The following PLBD1 variants were observed in gnomAD, a reference collection of about 807,000 sequenced individuals.
The protein encoded by PLBD1 is lysosomal leucine aminopeptidase.
A neutral mutation model predicts 63.0 loss-of-function variants in PLBD1; 60 were observed. The ratio of observed to expected loss-of-function variants is 0.95; its 90% CI spans 0.77 to 1.18. The LOEUF is 1.18. Among genes scored for constraint, PLBD1 ranks in the 50% most tolerant of loss-of-function variants. The pLI, the probability that PLBD1 is intolerant of heterozygous loss-of-function variation, is 0.00. For missense variants in PLBD1, 598 were observed against 677.9 expected (o/e 0.88, Z 1.31); for synonymous variants, 262 against 248.0 (o/e 1.06, Z -0.53).
intron 2 of PLBD1, among the ~76,000 whole-genome samples, chr12:14,550,456 T>A (rs1945647652): frequency 6.6e-6 from 1 of 152,252 alleles, no homozygotes; most frequent in Non-Finnish European, 1.5e-5. Flanking sequence ...GTGTCAACTT[T>A]TTTTTGAAAG....
chr12:14,567,735 GCCGC>G lies in PLBD1; in HGVS notation c.-43_-40del, dbSNP rs780735958. ...CGACCTTCCTCTGCGGGATCAGGCG[GCCGC>G]GGTGGCCCGCGGTGGCAGAAGTTGC... is the stretch of plus-strand genomic sequence containing the variant. On this transcript the variant is annotated 5_prime_UTR_variant, in exon 1 of 11. Coordinates refer to ENST00000240617, the MANE Select transcript of PLBD1 (RefSeq NM_024829.6). The G allele has an allele frequency of 2.2e-6, 3 of 1,386,870 alleles. No individual in the cohort carries two copies. In the South Asian group the frequency reaches 4.9e-5, roughly 23 times the overall value. 85.9% of individuals were successfully genotyped at this position (1,386,870 alleles called of 1,614,324 possible).
At position 14,540,053 on chromosome 12, in the gene PLBD1, T is replaced by TATATACACACAC. The variant is rs1555147116; in HGVS notation, c.558+710_558+711insGTGTGTGTATAT. ...ATATATATATATATATATATATATA[T>TATATACACACAC]ACACACACACACTGGTCAAAATAGG... On this transcript the variant is annotated intron_variant, in intron 4 of 10. Coordinates refer to ENST00000240617, the MANE Select transcript of PLBD1 (RefSeq NM_024829.6). 2.7e-3 allele frequency among the ~76,000 whole-genome samples: 232 copies of TATATACACACAC among 87,082 alleles called. 2 individuals are homozygous for TATATACACACAC. Among genetic ancestry groups the TATATACACACAC allele is most frequent in the Non-Finnish European group, 3.8e-3 (175 of 46,430 alleles). The allele number at this position is 87,082 out of a possible 152,430, so 57.1% of individuals were successfully genotyped here.
At chr12:14,551,008 A>G (rs969915185) in intron 2 of PLBD1, among the ~76,000 whole-genome samples, 1 of 152,034 alleles carries the variant, frequency 6.6e-6, no homozygotes, top group Non-Finnish European at 1.5e-5. Context: ...GTGCCACTGC[A>G]CTCCAGCCTG....
chr12:14,536,213 C>T lies in PLBD1; in HGVS notation c.699+357G>A, dbSNP rs139225610. ...ACTCGGGAAGCTGAGGCAGGAGAAT[C>T]GCTTGAACCTGGGAGGCAGAGGTTG... On this transcript the variant is annotated intron_variant, in intron 5 of 10. Transcript: ENST00000240617. The T allele has an allele frequency of 1.0e-4, 24 of 235,032 alleles. No homozygotes were observed. The South Asian group carries it at 1.3e-3, about 13-fold the overall frequency. 14.6% of individuals were successfully genotyped at this position (235,032 alleles called of 1,614,324 possible).
intron 10 of PLBD1, 43 bp from the exon 11 acceptor site, chr12:14,503,997 C>G (rs74622439): frequency 0.019 from 28,624 of 1,546,178 alleles, 379 homozygotes; most frequent in African/African-American, 0.051. Context: ...AATCATCGTT[C>G]AGCAAAAAAT....
At chr12:14,521,622 C>T (rs1014141700) in intron 6 of PLBD1, among the ~76,000 whole-genome samples, 9 of 152,130 alleles carry the variant, frequency 5.9e-5, no homozygotes, top group African/African-American at 1.4e-4. Context: ...CCTCCACAAC[C>T]GACACCTTAG....
Position 14,540,106 on chromosome 12 carries a change from T to TTTTATATATAAATATA in PLBD1, c.558+657_558+658insTATATTTATATATAAA, listed in dbSNP as rs71448876. On this transcript the variant is annotated intron_variant, in intron 4 of 10. Coordinates refer to ENST00000240617, the MANE Select transcript of PLBD1 (RefSeq NM_024829.6). The stretch of plus-strand genomic sequence containing the variant: ...AAAAGAGAGTTATATAATATAAATA[T>TTTTATATATAAATATA]TATTTATATATATATATATATATAT... Among the ~76,000 whole-genome samples, 7 of 64,032 alleles carry TTTTATATATAAATATA rather than the reference T, an allele frequency of 1.1e-4. 2 individuals carry two copies. Among genetic ancestry groups the TTTTATATATAAATATA allele is most frequent in the Non-Finnish European group, 2.0e-4 (7 of 35,232 alleles). 42.0% of individuals were successfully genotyped at this position (64,032 alleles called of 152,430 possible). A position where few individuals can be genotyped will look rare whatever the true frequency, so the allele number is the denominator to read the frequency against.
intron 6 of PLBD1, among the ~76,000 whole-genome samples, chr12:14,530,408 C>A (rs929456494): frequency 6.6e-6 from 1 of 152,170 alleles, no homozygotes; most frequent in Non-Finnish European, 1.5e-5. Context: ...GTAACTAAAT[C>A]ATTATTGTTT....
At chr12:14,509,860 C>G (rs778621739) in intron 8 of PLBD1, among the ~76,000 whole-genome samples, 2 of 152,124 alleles carry the variant, frequency 1.3e-5, no homozygotes, top group Admixed American at 1.3e-4. Flanking sequence ...TTAAAGCTAA[C>G]ATTTTCTCTC....
chr12:14,524,502 A>G (rs1243060845), intron 6 of PLBD1, among the ~76,000 whole-genome samples: 1 of 152,178 alleles, frequency 6.6e-6, no homozygotes, highest in African/African-American at 2.4e-5. Context: ...ATGGTGTGCT[A>G]TTTTTCAAGT....
chr12:14,540,106 T>TTTTATATTATAAATATAAATTATTTTA lies in PLBD1; in HGVS notation c.558+657_558+658insTAAAATAATTTATATTTATAATATAAA, dbSNP rs71448876. ...AAAAGAGAGTTATATAATATAAATA[T>TTTTATATTATAAATATAAATTATTTTA]TATTTATATATATATATATATATAT... On this transcript the variant is annotated intron_variant, in intron 4 of 10. Transcript: ENST00000240617. 3.1e-5 allele frequency among the ~76,000 whole-genome samples: 2 copies of TTTTATATTATAAATATAAATTATTTTA among 64,032 alleles called. 1 individual carries two copies. Among genetic ancestry groups the TTTTATATTATAAATATAAATTATTTTA allele is most frequent in the Non-Finnish European group, 5.7e-5 (2 of 35,232 alleles). 42.0% of individuals were successfully genotyped at this position (64,032 alleles called of 152,430 possible). A position where few individuals can be genotyped will look rare whatever the true frequency, so the allele number is the denominator to read the frequency against.
intron 10 of PLBD1, 103 bp from the exon 11 acceptor site, chr12:14,504,057 C>CT (rs372587803): frequency 7.3e-4 from 841 of 1,145,842 alleles, no homozygotes; most frequent in South Asian, 8.4e-4. Context: ...ACAATATTAG[C>CT]TTTTTTTTTG....
At chr12:14,515,834 T>C (rs757502324) in intron 6 of PLBD1, among the ~76,000 whole-genome samples, 23 of 149,500 alleles carry the variant, frequency 1.5e-4, no homozygotes, top group Non-Finnish European at 3.3e-4. Context: ...GGTGAATCAT[T>C]TGAGGTCAGG....
At chr12:14,562,441 CAG>C (rs1451588009) in intron 1 of PLBD1, among the ~76,000 whole-genome samples, 1 of 109,964 alleles carries the variant, frequency 9.1e-6, no homozygotes, top group Non-Finnish European at 1.7e-5. Context: ...GCCTGAGTGA[CAG>C]AGTGAGACTC....
chr12:14,554,658 T>G (rs1945687526), intron 1 of PLBD1, among the ~76,000 whole-genome samples: 1 of 151,908 alleles, frequency 6.6e-6, no homozygotes, highest in African/African-American at 2.4e-5. Context: ...GCTCTCCACC[T>G]CCAGGATACC....
chr12:14,536,553 G>A lies in PLBD1; in HGVS notation c.699+17C>T, dbSNP rs767137916. Reference sequence around the variant, plus strand: ...TGTATGAACCAGAACAAGGCAAAAGGAGCTGCTATGTCTTACCTTGATAAG... The same window carrying A: ...TGTATGAACCAGAACAAGGCAAAAGAAGCTGCTATGTCTTACCTTGATAAG... On this transcript the variant is annotated intron_variant, in intron 5 of 10. Coordinates refer to ENST00000240617, the MANE Select transcript of PLBD1 (RefSeq NM_024829.6). The A allele has an allele frequency of 6.2e-7, 1 of 1,612,498 alleles. No homozygotes were observed. The highest frequency in any genetic ancestry group is 1.7e-5 in the Admixed American group (1 of 59,764).
At chr12:14,504,691 A>G (rs1945237233) in intron 10 of PLBD1, among the ~76,000 whole-genome samples, 1 of 152,226 alleles carries the variant, frequency 6.6e-6, no homozygotes, top group Non-Finnish European at 1.5e-5. Flanking sequence ...CAGGGTGGTA[A>G]CAAGAGTCTG....
At chr12:14,558,799 C>T (rs560179359) in intron 1 of PLBD1, among the ~76,000 whole-genome samples, 2 of 152,260 alleles carry the variant, frequency 1.3e-5, no homozygotes, top group South Asian at 4.1e-4. Context: ...GCTGGTCCTA[C>T]CTAATTTCCT....
At chr12:14,530,243 T>C (rs544932333) in intron 6 of PLBD1, 1 of 152,438 alleles carries the variant, frequency 6.6e-6, no homozygotes, top group East Asian at 1.9e-4. Flanking sequence ...GCTATGTTAG[T>C]AAGTCGTTTT....
Sources: gnomAD v4.1 joint callset for allele counts (sites outside exome capture counted in the v4.1 genomes callset) on GRCh38, gnomAD v4.1.1 for gene constraint, MANE v1.5 for transcripts, NCBI Gene and HGNC (gene_info 2026-07-23, HGNC 2026-07-21) for gene names.